Variants in CRYBG1 observed in about 807,000 individuals in gnomAD.
CRYBG1 encodes crystallin beta-gamma domain containing 1.
Under a neutral mutation model 189.2 loss-of-function variants are expected in CRYBG1, and 139 were observed. The observed-to-expected ratio is 0.73, with a 90% confidence interval of 0.64 to 0.85. CRYBG1 has a LOEUF of 0.85. Among genes scored for constraint, CRYBG1 ranks in the 40% least tolerant of loss-of-function variants. The pLI is 0.00. For synonymous variants in CRYBG1, 1,023 were observed against 1,017.1 expected (o/e 1.01, Z -0.11); for missense variants, 2,611 against 2,675.8 (o/e 0.98, Z 0.53).
Position 106,525,255 on chromosome 6 carries a change from C to A in CRYBG1, c.4294-13C>A. The A allele has an allele frequency of 1.2e-6, 2 of 1,613,256 alleles. No individual in the cohort carries two copies. The highest frequency in any genetic ancestry group is 1.7e-6 in the Non-Finnish European group (2 of 1,179,212). ...GTACAACAAAGTGTGCTACCACTTTCGTTTTCTTGCAGGTAGTGATATATA... is the reference window on the plus strand; with the variant it reads ...GTACAACAAAGTGTGCTACCACTTTAGTTTTCTTGCAGGTAGTGATATATA... On this transcript the variant is annotated splice_polypyrimidine_tract_variant and intron_variant, in intron 5 of 21. Coordinates refer to ENST00000633556, the MANE Select transcript of CRYBG1 (RefSeq NM_001371242.2).
At chr6:106,383,212 A>G (rs1402910919) in intron 1 of CRYBG1, among the ~76,000 whole-genome samples, 2 of 152,226 alleles carry the variant, frequency 1.3e-5, no homozygotes, top group African/African-American at 4.8e-5. Flanking sequence ...AAAATCACTC[A>G]GGTGTAAAAA....
At chr6:106,481,385 C>A (rs541255287) in intron 2 of CRYBG1, among the ~76,000 whole-genome samples, 3 of 152,062 alleles carry the variant, frequency 2.0e-5, no homozygotes, top group African/African-American at 7.2e-5. Flanking sequence ...CCAAACCTTA[C>A]CAGCCATAGA....
intron 2 of CRYBG1, among the ~76,000 whole-genome samples, chr6:106,475,581 A>C (rs1291401041): frequency 6.6e-6 from 1 of 152,178 alleles, no homozygotes; most frequent in African/African-American, 2.4e-5. Context: ...GAACATACTA[A>C]TTTAGTTAGA....
intron 20 of CRYBG1, among the ~76,000 whole-genome samples, 186 bp from the exon 21 acceptor site, chr6:106,563,578 T>C (rs1022777833): frequency 6.6e-6 from 1 of 152,246 alleles, no homozygotes; most frequent in African/African-American, 2.4e-5. Context: ...ATTCGTGTCA[T>C]CTGAAATAAA....
At chr6:106,478,073 G>A (rs1772367907) in intron 2 of CRYBG1, among the ~76,000 whole-genome samples, 1 of 152,244 alleles carries the variant, frequency 6.6e-6, no homozygotes, top group African/African-American at 2.4e-5. Flanking sequence ...GCTGGGATGT[G>A]AGTGGGTGAG....
At chr6:106,564,195 CCG>C (rs1491542869) in intron 21 of CRYBG1, among the ~76,000 whole-genome samples, 5 of 152,068 alleles carry the variant, frequency 3.3e-5, no homozygotes, top group African/African-American at 1.2e-4. Context: ...CAACAAAACC[CCG>C]GAAGCTCAAA....
intron 2 of CRYBG1, among the ~76,000 whole-genome samples, chr6:106,483,407 A>ATATATAATG (rs1233190699): frequency 1.5e-5 from 2 of 133,502 alleles, no homozygotes; most frequent in African/African-American, 5.0e-5. Flanking sequence ...TATATAAAAC[A>ATATATAATG]TTTTCTTTAT....
intron 1 of CRYBG1, among the ~76,000 whole-genome samples, chr6:106,367,185 C>T (rs967015588): frequency 2.6e-5 from 4 of 152,212 alleles, no homozygotes; most frequent in Non-Finnish European, 4.4e-5. Flanking sequence ...CACTTTCCAT[C>T]ACAATCTACT....
At chr6:106,554,933 G>A (rs61196783) in intron 16 of CRYBG1, among the ~76,000 whole-genome samples, 3 of 152,234 alleles carry the variant, frequency 2.0e-5, no homozygotes, top group South Asian at 2.1e-4. Context: ...TTGGGAGGCC[G>A]AGGTGGGCAG....
At chr6:106,541,672 A>G in intron 10 of CRYBG1, 51 bp downstream of exon 10, 1 of 1,175,494 alleles carries the variant, frequency 8.5e-7, no homozygotes, top group Non-Finnish European at 1.2e-6. Context: ...TTATTTAAAC[A>G]TATACACATA....
intron 1 of CRYBG1, among the ~76,000 whole-genome samples, chr6:106,375,130 C>T (rs549279122): frequency 5.9e-5 from 9 of 152,028 alleles, no homozygotes; most frequent in Admixed American, 2.0e-4. Flanking sequence ...TGCCTATAAT[C>T]GCAACACCTT....
At chr6:106,449,950 C>T (rs1293438727) in intron 1 of CRYBG1, among the ~76,000 whole-genome samples, 5 of 152,174 alleles carry the variant, frequency 3.3e-5, no homozygotes, top group African/African-American at 1.2e-4. Context: ...AGGGGCCAGG[C>T]ACAGTGGCTC....
intron 1 of CRYBG1, among the ~76,000 whole-genome samples, chr6:106,371,857 T>A (rs1237444459): frequency 6.6e-6 from 1 of 152,248 alleles, no homozygotes; most frequent in Non-Finnish European, 1.5e-5. Flanking sequence ...CCTAGAAGTC[T>A]TAGTAGCTAG....
intron 1 of CRYBG1, among the ~76,000 whole-genome samples, chr6:106,388,071 C>T (rs1770424426): frequency 6.6e-6 from 1 of 152,148 alleles, no homozygotes; most frequent in Admixed American, 6.6e-5. Context: ...ACTGGCACTC[C>T]CTTTGACTCT....
At chr6:106,417,982 T>C (rs2041801793) in intron 1 of CRYBG1, among the ~76,000 whole-genome samples, 1 of 152,272 alleles carries the variant, frequency 6.6e-6, no homozygotes, top group Non-Finnish European at 1.5e-5. Flanking sequence ...GGCTACTCTC[T>C]GCCGGTGAGG....
intron 1 of CRYBG1, among the ~76,000 whole-genome samples, chr6:106,426,958 G>C (rs780813604): frequency 1.4e-4 from 21 of 152,090 alleles, no homozygotes; most frequent in Admixed American, 1.4e-3. Context: ...GCAACATCTC[G>C]CAACGCCTCC....
At chr6:106,477,966 C>T (rs1295029796) in intron 2 of CRYBG1, among the ~76,000 whole-genome samples, 1 of 152,256 alleles carries the variant, frequency 6.6e-6, no homozygotes, top group Non-Finnish European at 1.5e-5. Context: ...AAAAGCTCAG[C>T]AGAAGTTCCT....
intron 1 of CRYBG1, among the ~76,000 whole-genome samples, chr6:106,381,667 T>C (rs1016982880): frequency 1.3e-4 from 20 of 152,324 alleles, no homozygotes; most frequent in African/African-American, 4.3e-4. Flanking sequence ...CTGGATACCA[T>C]TGCAGAACTC....
At chr6:106,468,519 T>C (rs1195011409) in intron 2 of CRYBG1, among the ~76,000 whole-genome samples, 1 of 152,162 alleles carries the variant, frequency 6.6e-6, no homozygotes, top group Non-Finnish European at 1.5e-5. Flanking sequence ...ATCTAAAATT[T>C]CCTAATCCAC....
Sources: allele counts gnomAD v4.1 joint callset (sites outside exome capture counted in the v4.1 genomes callset), GRCh38; gene constraint gnomAD v4.1.1; transcripts MANE v1.5; gene names NCBI Gene and HGNC (gene_info 2026-07-23, HGNC 2026-07-21).